KLHL3: variants seen among roughly 807,000 people sequenced by gnomAD.
KLHL3 encodes the protein kelch-like protein 3.
Under a neutral mutation model 70.5 loss-of-function variants are expected in KLHL3, and 19 were observed. The observed-to-expected ratio is 0.27, with a 90% CI of 0.19 to 0.40. The LOEUF (loss-of-function observed/expected upper bound fraction) is 0.40. Among genes scored for constraint, KLHL3 ranks in the 10% least tolerant of loss-of-function variants. The pLI, the probability that KLHL3 is intolerant of heterozygous loss-of-function variation, is 1.00. For synonymous variants in KLHL3, 258 were observed against 290.3 expected (o/e 0.89, Z 1.13); for missense variants, 512 against 771.1 (o/e 0.66, Z 3.98).
In KLHL3 at chr5:137,620,502, T is replaced by G. The variant is rs1019337146; in HGVS notation, c.*1596A>C. 1.3e-5 allele frequency: 2 copies of G among 152,168 alleles called. No individual in the cohort carries two copies. Among genetic ancestry groups the G allele is most frequent in the Non-Finnish European group, 2.9e-5 (2 of 68,028 alleles). 9.4% of individuals were successfully genotyped at this position (152,168 alleles called of 1,614,324 possible). A position where few individuals can be genotyped will look rare whatever the true frequency, so the allele number is the denominator to read the frequency against. ...AGTTCCTTGGCTTCCTGTAGGTGGATTCTCAAAGTAGGGAGGGTGTCCCAG... is the reference window on the plus strand; with the variant it reads ...AGTTCCTTGGCTTCCTGTAGGTGGAGTCTCAAAGTAGGGAGGGTGTCCCAG... On this transcript the variant is annotated 3_prime_UTR_variant, in exon 15 of 15. Coordinates refer to ENST00000309755, the MANE Select transcript of KLHL3 (RefSeq NM_017415.3).
chr5:137,634,258 C>A, intron 11 of KLHL3, 93 bp from the exon 12 acceptor site: 2 of 1,396,596 alleles, frequency 1.4e-6, no homozygotes, highest in Non-Finnish European at 1.9e-6. Flanking sequence ...ACTGGGGCAC[C>A]CTTACCTCAG....
chr5:137,692,404 C>A lies in KLHL3; in HGVS notation c.407G>T (p.Arg136Leu). The change falls in exon 5 of 15, where the codon CGG (arginine) becomes CTG (leucine). Residue 136 changes from arginine to leucine, a missense_variant. Transcript: ENST00000309755. ...AASLLQLMDV[R>L]QNCCDFLQSQ... ...CTGCAGGAAGTCACAGCAGTTCTGC[C>A]GAACATCCATGAGCTGCAGCAAGCT... is the stretch of plus-strand genomic sequence containing the variant. 6.2e-7 allele frequency: 1 copy of A among 1,614,010 alleles called. No homozygotes were observed. Among genetic ancestry groups the A allele is most frequent in the East Asian group, 2.2e-5 (1 of 44,878 alleles).
chr5:137,638,841 G>A (rs1750834926), intron 10 of KLHL3, 112 bp downstream of exon 10: 1 of 989,720 alleles, frequency 1.0e-6, no homozygotes, highest in Non-Finnish European at 1.5e-6. Context: ...ATGTCCCTGG[G>A]GCAGTAGCTA....
At chr5:137,666,003 T>C (rs915898227) in intron 6 of KLHL3, among the ~76,000 whole-genome samples, 1 of 152,222 alleles carries the variant, frequency 6.6e-6, no homozygotes, top group African/African-American at 2.4e-5. Context: ...AATCCCTGTC[T>C]AGTTCATTTT....
chr5:137,664,660 A>C (rs1751569033), intron 6 of KLHL3, among the ~76,000 whole-genome samples: 1 of 151,914 alleles, frequency 6.6e-6, no homozygotes, highest in Admixed American at 6.6e-5. Flanking sequence ...CTACTACAAA[A>C]AAAAAAAATC....
Position 137,625,755 on chromosome 5 carries a change from G to C in KLHL3, c.1733C>G (p.Ala578Gly). The change falls in exon 14 of 15, where the codon GCA becomes GGA. Residue 578 changes from alanine (A) to glycine (G), a missense_variant and splice_region_variant. Ala to Gly is a moderately conservative substitution (Grantham distance 60). Transcript: ENST00000309755. ...PTNMSTGRSY[A>G]GVAVIHKSL ...GCATGGAGATGGCACACACTGACCT[G>C]CATAGCTCCGCCCCGTGCTCATGTT... is the stretch of plus-strand genomic sequence containing the variant. 6.2e-7 allele frequency: 1 copy of C among 1,614,134 alleles called. No homozygotes were observed. The highest frequency in any genetic ancestry group is 1.7e-5 in the Admixed American group (1 of 60,020).
rs374137746 is a variant in KLHL3, at chr5:137,713,264, C to G, written c.135-3408G>C. On this transcript the variant is annotated intron_variant, in intron 2 of 14. Transcript: ENST00000309755. The stretch of plus-strand genomic sequence containing the variant: ...AGGATTGCTTGAGCCCAGGAGTTCA[C>G]GACCAGCCTGGACAACATAATGAAA... Among the ~76,000 whole-genome samples the G allele has an allele frequency of 2.4e-3, 360 of 151,554 alleles. 1 individual carries two copies. The highest frequency in any genetic ancestry group is 0.017 in the South Asian group (83 of 4,786).
chr5:137,632,626 G>A (rs557077841), intron 12 of KLHL3, among the ~76,000 whole-genome samples: 42 of 152,168 alleles, frequency 2.8e-4, no homozygotes, highest in African/African-American at 5.5e-4. Context: ...GATGCCAAAC[G>A]GAAAGTGCAA....
intron 2 of KLHL3, among the ~76,000 whole-genome samples, chr5:137,718,244 G>A (rs1337738173): frequency 6.6e-6 from 1 of 152,202 alleles, no homozygotes; most frequent in Non-Finnish European, 1.5e-5. Context: ...GTTAGAGATG[G>A]CTAAATCTAA....
chr5:137,722,000 A>C (rs1400422302), intron 1 of KLHL3, among the ~76,000 whole-genome samples: 2 of 152,180 alleles, frequency 1.3e-5, no homozygotes, highest in African/African-American at 2.4e-5. Context: ...GATCTAGGCT[A>C]AGCTTTGCTT....
rs1027181785 is a variant in KLHL3 at position 137,639,449 on chromosome 5, C to T, written c.1022-299G>A. 3.3e-5 allele frequency among the ~76,000 whole-genome samples: 5 copies of T among 152,070 alleles called. No homozygotes were observed. Among genetic ancestry groups the T allele is most frequent in the Admixed American group, 2.0e-4 (3 of 15,270 alleles). ...GTAGCTCACGCCTGTAATTCCAGTACCTTGGGAAGCCAAGGCAGGTGGATC... is the reference window on the plus strand; with the variant it reads ...GTAGCTCACGCCTGTAATTCCAGTATCTTGGGAAGCCAAGGCAGGTGGATC... On this transcript the variant is annotated intron_variant, in intron 9 of 14. Coordinates refer to ENST00000309755, the MANE Select transcript of KLHL3 (RefSeq NM_017415.3). This position sits in a 1 kb window ranked among gnomAD's most constrained non-coding sequence, Gnocchi z 5.0.
At chr5:137,650,223 A>C (rs1478484183) in intron 8 of KLHL3, among the ~76,000 whole-genome samples, 1 of 152,192 alleles carries the variant, frequency 6.6e-6, no homozygotes, top group Non-Finnish European at 1.5e-5. Flanking sequence ...CAGTTTCTGG[A>C]TGTTCACTCT....
chr5:137,678,803 T>C (rs1332877997), intron 5 of KLHL3, among the ~76,000 whole-genome samples: 2 of 151,904 alleles, frequency 1.3e-5, no homozygotes. Context: ...ATAAACAATA[T>C]TTTCCATCTT....
At chr5:137,652,432 A>T (rs1171797907) in intron 8 of KLHL3, among the ~76,000 whole-genome samples, 1 of 152,250 alleles carries the variant, frequency 6.6e-6, no homozygotes, top group African/African-American at 2.4e-5. Flanking sequence ...TCAACAGATG[A>T]ATGCATAAAG....
At chr5:137,669,761 C>T (rs530801061) in intron 6 of KLHL3, among the ~76,000 whole-genome samples, 53 of 152,270 alleles carry the variant, frequency 3.5e-4, no homozygotes, top group African/African-American at 1.0e-3. Flanking sequence ...GCTCCAAACA[C>T]GTGAGCATGA....
intron 1 of KLHL3, among the ~76,000 whole-genome samples, chr5:137,723,297 AT>A (rs1035737386): frequency 3.8e-4 from 58 of 152,210 alleles, no homozygotes; most frequent in African/African-American, 1.4e-3. Context: ...TGGGATTTTG[AT>A]TAAAAAACTG....
At chr5:137,633,911 A>G in intron 12 of KLHL3, 126 bp downstream of exon 12, 1 of 1,247,152 alleles carries the variant, frequency 8.0e-7, no homozygotes, top group Non-Finnish European at 1.1e-6. Context: ...AAACTCGACC[A>G]TTATGCAATA....
intron 5 of KLHL3, among the ~76,000 whole-genome samples, chr5:137,679,163 G>T (rs1751963226): frequency 6.8e-6 from 1 of 146,970 alleles, no homozygotes; most frequent in Non-Finnish European, 1.5e-5. Flanking sequence ...TGGATGGTAA[G>T]AATTTATTCT....
At chr5:137,629,058 A>T (rs760046333) in intron 12 of KLHL3, 4 of 152,182 alleles carry the variant, frequency 2.6e-5, no homozygotes, top group Non-Finnish European at 4.4e-5. Flanking sequence ...CTTTCTGCCC[A>T]CTTCTCTCCT....
Sources: allele counts gnomAD v4.1 joint callset (sites outside exome capture counted in the v4.1 genomes callset), GRCh38; gene constraint gnomAD v4.1.1; non-coding constraint Gnocchi (gnomAD v3.1); transcripts MANE v1.5; gene names NCBI Gene and HGNC (gene_info 2026-07-23, HGNC 2026-07-21).